The following ASAP1 variants were observed in gnomAD, a reference collection of about 807,000 sequenced individuals.
ASAP1 encodes ArfGAP with SH3 domain, ankyrin repeat and PH domain 1, also known as arf-GAP with SH3 domain, ANK repeat and PH domain-containing protein 1.
Under a neutral mutation model 145.2 loss-of-function variants are expected in ASAP1, and 43 were observed. That is an observed-to-expected ratio of 0.30 (90% CI 0.23 to 0.38). The LOEUF is 0.38. Among genes scored for constraint, ASAP1 ranks in the 10% least tolerant of loss-of-function variants. The pLI is 1.00. For missense variants in ASAP1, 1,018 were observed against 1,355.3 expected, an observed-to-expected ratio of 0.75 and a Z score of 3.91; for synonymous variants, 546 against 515.5, an observed-to-expected ratio of 1.06 and a Z score of -0.80.
Position 130,394,777 on chromosome 8 carries a change from A to G in ASAP1, c.59+7108T>C, listed in dbSNP as rs181694287. On this transcript the variant is annotated intron_variant, in intron 2 of 29. Coordinates refer to ENST00000518721, the MANE Select transcript of ASAP1 (RefSeq NM_018482.4). ...CCCGGCCAACGCTTAGGGAAAACAG[A>G]AAAGAACCTACGTGACTATCAGGGG... Among the ~76,000 whole-genome samples the G allele has an allele frequency of 8.5e-5, 13 of 152,300 alleles. No homozygotes were observed. In the East Asian group the frequency reaches 2.5e-3, roughly 29 times the overall value.
chr8:130,200,266 T>G (rs559203329), intron 5 of ASAP1, among the ~76,000 whole-genome samples: 1 of 151,990 alleles, frequency 6.6e-6, no homozygotes, highest in East Asian at 1.9e-4. Context: ...AACAGGAAGT[T>G]GGGTAAATAA....
intron 1 of ASAP1, among the ~76,000 whole-genome samples, chr8:130,410,530 T>C (rs1358471589): frequency 1.3e-5 from 2 of 152,234 alleles, no homozygotes; most frequent in Non-Finnish European, 2.9e-5. Flanking sequence ...CCACCACAAA[T>C]TATACATTTT....
chr8:130,326,665 C>T (rs911570959), intron 3 of ASAP1, among the ~76,000 whole-genome samples: 1 of 152,204 alleles, frequency 6.6e-6, no homozygotes, highest in Non-Finnish European at 1.5e-5. Context: ...CCAGCAACAA[C>T]AAATAAATGT....
chr8:130,201,167 G>C (rs1815846086), intron 5 of ASAP1, among the ~76,000 whole-genome samples: 1 of 152,208 alleles, frequency 6.6e-6, no homozygotes, highest in African/African-American at 2.4e-5. Context: ...TTAGACTAAA[G>C]GCTGTCCAAG....
intron 13 of ASAP1, among the ~76,000 whole-genome samples, chr8:130,143,121 C>T (rs945702103): frequency 5.9e-5 from 9 of 152,202 alleles, no homozygotes; most frequent in Non-Finnish European, 8.8e-5. Context: ...CACATTGTTC[C>T]TGAAGGCTGT....
Position 130,358,126 on chromosome 8 carries a change from G to T in ASAP1, c.77C>A (p.Ser26Tyr). The T allele has an allele frequency of 6.2e-7, 1 of 1,607,946 alleles. No homozygotes were observed. The highest frequency in any genetic ancestry group is 1.1e-5 in the South Asian group (1 of 90,326). Residue 26 changes from serine (S) to tyrosine (Y), a missense_variant, in exon 3 of 30, where the codon TCT (serine) becomes TAT (tyrosine). Ser to Tyr is a moderately radical substitution (Grantham distance 144, BLOSUM62 -2). This residue lies in a region of ASAP1 where 106 missense variants were observed against 134.5 expected (regional missense o/e 0.79). Coordinates refer to ENST00000518721, the MANE Select transcript of ASAP1 (RefSeq NM_018482.4). This position sits in a 1 kb window ranked among gnomAD's most constrained non-coding sequence, Gnocchi z 4.1. ...SLWNRMPDQI[S>Y]VSEFIAETTE... Reference sequence around the variant, plus strand: ...GGTCTCGGCGATGAACTCCGAGACAGAGATCTGGTCCGGCATCCTGCCGGG... The same window carrying T: ...GGTCTCGGCGATGAACTCCGAGACATAGATCTGGTCCGGCATCCTGCCGGG...
intron 2 of ASAP1, among the ~76,000 whole-genome samples, chr8:130,365,469 G>A (rs576082695): frequency 6.6e-6 from 1 of 152,242 alleles, no homozygotes; most frequent in South Asian, 2.1e-4. Context: ...CTAAAAACTT[G>A]CGATCTATAG....
At chr8:130,403,614 G>A (rs1048241867) in intron 1 of ASAP1, among the ~76,000 whole-genome samples, 6 of 148,338 alleles carry the variant, frequency 4.0e-5, no homozygotes, top group African/African-American at 1.5e-4. Flanking sequence ...GTGCAGTGGC[G>A]CGATCTTGGC....
At chr8:130,406,864 C>T (rs1462438574) in intron 1 of ASAP1, among the ~76,000 whole-genome samples, 1 of 152,070 alleles carries the variant, frequency 6.6e-6, no homozygotes, top group African/African-American at 2.4e-5. Flanking sequence ...GAAAATAGAC[C>T]AAACTTATTT....
chr8:130,381,881 G>A (rs1827786026), intron 2 of ASAP1, among the ~76,000 whole-genome samples: 1 of 152,094 alleles, frequency 6.6e-6, no homozygotes, highest in South Asian at 2.1e-4. Context: ...TCACTCTCCA[G>A]GTCTTATTCC....
At chr8:130,440,154 TTCTAAGCCACCA>T in intron 1 of ASAP1, among the ~76,000 whole-genome samples, 1 of 152,232 alleles carries the variant, frequency 6.6e-6, no homozygotes, top group East Asian at 1.9e-4. Flanking sequence ...TGCTGTCCAG[TTCTAAGCCACCA>T]TCCTCTTTCC....
intron 5 of ASAP1, among the ~76,000 whole-genome samples, chr8:130,192,949 A>G (rs893414298): frequency 6.6e-6 from 1 of 152,192 alleles, no homozygotes; most frequent in Non-Finnish European, 1.5e-5. Context: ...TAAATTACAG[A>G]GTTTCTAAAC....
intron 1 of ASAP1, among the ~76,000 whole-genome samples, chr8:130,426,124 G>T (rs551984076): frequency 6.1e-4 from 93 of 152,166 alleles, no homozygotes; most frequent in African/African-American, 2.1e-3. Context: ...TAATGGTTTA[G>T]CACCATCCCC....
intron 1 of ASAP1, among the ~76,000 whole-genome samples, chr8:130,405,091 G>GA (rs201191799): frequency 3.9e-5 from 6 of 151,912 alleles, no homozygotes; most frequent in Admixed American, 6.6e-5. Flanking sequence ...TTGCTACTCA[G>GA]AAAAAACTGC....
intron 3 of ASAP1, among the ~76,000 whole-genome samples, chr8:130,239,290 T>C (rs938175355): frequency 3.9e-5 from 6 of 152,152 alleles, no homozygotes; most frequent in Non-Finnish European, 8.8e-5. Flanking sequence ...ATTTAACATA[T>C]ACTTGGTATA....
rs571539142 is a variant in ASAP1, at chr8:130,211,072, G to T, written c.405+3484C>A. Among the ~76,000 whole-genome samples, 3 of 152,282 alleles carry T rather than the reference G, an allele frequency of 2.0e-5. No homozygotes were observed. The East Asian group carries it at 5.8e-4, about 29-fold the overall frequency. On this transcript the variant is annotated intron_variant, in intron 5 of 29. Coordinates refer to ENST00000518721, the MANE Select transcript of ASAP1 (RefSeq NM_018482.4). ...GGTGAGGCGGAAACTAGGATTCCAG[G>T]TGTGATTGGGACCAAAACCCATGAT...
intron 2 of ASAP1, among the ~76,000 whole-genome samples, chr8:130,366,947 A>C (rs919090602): frequency 1.5e-5 from 2 of 133,204 alleles, no homozygotes; most frequent in Middle Eastern, 4.7e-3. Flanking sequence ...GCTGGAGTGC[A>C]GTGGCACAAT....
At chr8:130,102,882 G>C (rs1276656523) in intron 24 of ASAP1, among the ~76,000 whole-genome samples, 1 of 152,052 alleles carries the variant, frequency 6.6e-6, no homozygotes, top group African/African-American at 2.4e-5. Flanking sequence ...GTAGAGACAG[G>C]GTCTCACCAT....
intron 1 of ASAP1, among the ~76,000 whole-genome samples, chr8:130,426,542 C>A (rs146715835): frequency 4.6e-5 from 7 of 152,308 alleles, no homozygotes; most frequent in African/African-American, 1.7e-4. Context: ...CTCATCCCCA[C>A]CCCATCAACC....
Sources: gnomAD v4.1 joint callset for allele counts (sites outside exome capture counted in the v4.1 genomes callset) on GRCh38, gnomAD v4.1.1 for gene constraint, gnomAD v4.1.1 regional missense constraint, Gnocchi (gnomAD v3.1) non-coding constraint, MANE v1.5 for transcripts, NCBI Gene and HGNC (gene_info 2026-07-23, HGNC 2026-07-21) for gene names.